SLC13A2: variants seen among roughly 807,000 people sequenced by gnomAD.
The protein encoded by SLC13A2 is Na(+)-coupled citrate transporter.
SLC13A2 carries 40 observed loss-of-function variants against 58.5 expected under a neutral mutation model. The ratio of observed to expected loss-of-function variants is 0.68; its 90% CI spans 0.53 to 0.89. The LOEUF (loss-of-function observed/expected upper bound fraction) is 0.89, where lower values mean the gene tolerates loss of function less well. SLC13A2 is among the 40% of genes least tolerant of loss of function. SLC13A2 has a pLI of 0.00. For missense variants in SLC13A2, 694 were observed against 772.6 expected (o/e 0.90, Z 1.21); for synonymous variants, 341 against 331.6 (o/e 1.03, Z -0.31).
At position 28,496,097 on chromosome 17, in the gene SLC13A2, C is replaced by A. The variant is rs2069137481; in HGVS notation, c.1470+281C>A. 6.6e-6 allele frequency among the ~76,000 whole-genome samples: 1 copy of A among 152,168 alleles called. No individual in the cohort carries two copies. On this transcript the variant is annotated intron_variant, in intron 10 of 11. Transcript: ENST00000314669. This position sits in a 1 kb window ranked among gnomAD's most constrained non-coding sequence, Gnocchi z 4.2. ...TCCCCACCCCAGTCCCTGTTCTGGT[C>A]ATTCCTGAGGTGACGGGGTGAAATT...
chr17:28,479,369 C>T (rs1296324404), intron 1 of SLC13A2, among the ~76,000 whole-genome samples: 2 of 152,018 alleles, frequency 1.3e-5, no homozygotes, highest in Non-Finnish European at 2.9e-5. Flanking sequence ...CGAGTGAGGC[C>T]TTAAGAGGCC....
At chr17:28,477,429 C>CAA (rs1284842027) in intron 1 of SLC13A2, among the ~76,000 whole-genome samples, 21 of 151,800 alleles carry the variant, frequency 1.4e-4, no homozygotes, top group Non-Finnish European at 1.6e-4. Context: ...CTCCTGACCT[C>CAA]GTGATCCGCC....
At chr17:28,480,535 C>A (rs2068765838) in intron 1 of SLC13A2, among the ~76,000 whole-genome samples, 1 of 152,118 alleles carries the variant, frequency 6.6e-6, no homozygotes, top group Non-Finnish European at 1.5e-5. Flanking sequence ...GATTTTGGAG[C>A]CAAACAGGTG....
intron 1 of SLC13A2, among the ~76,000 whole-genome samples, chr17:28,475,164 G>A (rs898401820): frequency 2.6e-5 from 4 of 152,184 alleles, no homozygotes; most frequent in Non-Finnish European, 5.9e-5. Flanking sequence ...AATTCCCCTC[G>A]ACCTGGGGAA....
chr17:28,482,227 A>G (rs2068798496), intron 1 of SLC13A2, among the ~76,000 whole-genome samples: 1 of 150,358 alleles, frequency 6.7e-6, no homozygotes, highest in Non-Finnish European at 1.5e-5. Flanking sequence ...TTGTTTTAGT[A>G]CTTTTAGTAG....
At chr17:28,475,405 G>T (rs782266833) in intron 1 of SLC13A2, among the ~76,000 whole-genome samples, 1 of 152,146 alleles carries the variant, frequency 6.6e-6, no homozygotes, top group African/African-American at 2.4e-5. Flanking sequence ...TCCTGCAATT[G>T]TCCTCTCACT....
At chr17:28,493,110 A>T (rs2069060696) in intron 6 of SLC13A2, among the ~76,000 whole-genome samples, 1 of 152,226 alleles carries the variant, frequency 6.6e-6, no homozygotes, top group African/African-American at 2.4e-5. Flanking sequence ...AACACAAGTT[A>T]AGTCAGCAGC....
chr17:28,494,247 G>T lies in SLC13A2; in HGVS notation c.1186+142G>T. The T allele has an allele frequency of 6.6e-7, 1 of 1,524,292 alleles. No individual in the cohort carries two copies. The allele number at this position is 1,524,292 out of a possible 1,614,324, so 94.4% of individuals were successfully genotyped here. On this transcript the variant is annotated intron_variant, in intron 8 of 11. Transcript: ENST00000314669. The surrounding 1 kb of genome is among the most constrained non-coding windows in gnomAD (Gnocchi z 4.0). ...CTTGCCAAGGGCACAGGGACTCGGAGACAAAGTTGAGATGTTGCAGAACTG... is the reference window on the plus strand; with the variant it reads ...CTTGCCAAGGGCACAGGGACTCGGATACAAAGTTGAGATGTTGCAGAACTG...
At chr17:28,485,552 G>A (rs781877257) in intron 1 of SLC13A2, among the ~76,000 whole-genome samples, 17 of 152,110 alleles carry the variant, frequency 1.1e-4, no homozygotes, top group African/African-American at 3.4e-4. Flanking sequence ...GGGAGTGCCC[G>A]AGAGTACCTG....
At chr17:28,477,746 T>A (rs2068714364) in intron 1 of SLC13A2, among the ~76,000 whole-genome samples, 1 of 152,216 alleles carries the variant, frequency 6.6e-6, no homozygotes, top group Non-Finnish European at 1.5e-5. Context: ...GATCATTTAT[T>A]CCTTTCAAAA....
rs2069156696 is a variant in SLC13A2, at chr17:28,496,961, T to C, written c.1609-138T>C. ...CAAGGGGCAAAGGCATTGGCTATGC[T>C]GCAGGTTAGACCAACGGGAGGACTT... is the stretch of plus-strand genomic sequence containing the variant. On this transcript the variant is annotated intron_variant, in intron 11 of 11. Transcript: ENST00000314669. The surrounding 1 kb of genome is among the most constrained non-coding windows in gnomAD (Gnocchi z 4.2). 2 of 841,140 alleles carry C rather than the reference T, an allele frequency of 2.4e-6. No homozygotes were observed. The highest frequency in any genetic ancestry group is 1.7e-5 in the African/African-American group (1 of 58,674). 52.1% of individuals were successfully genotyped at this position (841,140 alleles called of 1,614,324 possible).
chr17:28,482,634 C>T (rs1486957095), intron 1 of SLC13A2, among the ~76,000 whole-genome samples: 2 of 152,168 alleles, frequency 1.3e-5, no homozygotes, highest in Non-Finnish European at 2.9e-5. Flanking sequence ...TCTTTGAGGC[C>T]TTCTCTCTTT....
Position 28,494,178 on chromosome 17 carries a change from C to T in SLC13A2, c.1186+73C>T, listed in dbSNP as rs566007228. ...CTTCAAGTATGTAATGTACCTTCCA[C>T]CACACTTGGCAGGAGTAGGCAAAGC... is the stretch of plus-strand genomic sequence containing the variant. On this transcript the variant is annotated intron_variant, in intron 8 of 11. Transcript: ENST00000314669. This position sits in a 1 kb window ranked among gnomAD's most constrained non-coding sequence, Gnocchi z 4.0. The T allele has an allele frequency of 4.7e-6, 7 of 1,501,676 alleles. No homozygotes were observed. The highest frequency in any genetic ancestry group is 1.1e-5 in the South Asian group (1 of 87,750). 93.0% of individuals were successfully genotyped at this position (1,501,676 alleles called of 1,614,324 possible). A position where few individuals can be genotyped will look rare whatever the true frequency, so the allele number is the denominator to read the frequency against.
chr17:28,493,758 A>C lies in SLC13A2; in HGVS notation c.1066A>C (p.Asn356His). Residue 356 changes from asparagine (N) to histidine (H), a missense_variant, in exon 7 of 12, where the codon AAT becomes CAT. Physicochemically the swap from Asn to His is moderately conservative, Grantham distance 68. Coordinates refer to ENST00000314669, the MANE Select transcript of SLC13A2 (RefSeq NM_003984.4). Reference sequence around the variant, plus strand: ...GCCGGGCTTTTTTCTTGGCTGGGGCAATTTGGCTTTTCCCAATGCCAAGGG... The same window carrying C: ...GCCGGGCTTTTTTCTTGGCTGGGGCCATTTGGCTTTTCCCAATGCCAAGGG... ...REPGFFLGWG[N>H]LAFPNAKGES... The C allele has an allele frequency of 6.2e-7, 1 of 1,614,166 alleles. No individual in the cohort carries two copies. The highest frequency in any genetic ancestry group is 8.5e-7 in the Non-Finnish European group (1 of 1,180,038).
chr17:28,494,323 C>T lies in SLC13A2; in HGVS notation c.1187-68C>T. On this transcript the variant is annotated intron_variant, in intron 8 of 11. Transcript: ENST00000314669. The surrounding 1 kb of genome is among the most constrained non-coding windows in gnomAD (Gnocchi z 4.0). ...CTCCAAAAGGGACCCACACAGGGAG[C>T]CCGCAAATGGAGAGGGGAAAGGCCT... 2 of 1,613,548 alleles carry T rather than the reference C, an allele frequency of 1.2e-6. No homozygotes were observed.
Position 28,491,534 on chromosome 17 carries a change from C to T in SLC13A2, c.672C>T (p.Cys224=), listed in dbSNP as rs377430419. ...ACCTCACCCAGTGCATGAGCCTGTGCGTGTGCTACTCCGCCAGCATCGGGG... is the reference window on the plus strand; with the variant it reads ...ACCTCACCCAGTGCATGAGCCTGTGTGTGTGCTACTCCGCCAGCATCGGGG... ...HLHLTQCMSL[C]VCYSASIGGI... is the part of the protein sequence containing the mutation. Residue 224 remains cysteine (C), a synonymous_variant, in exon 5 of 12, where the codon TGC becomes TGT. Coordinates refer to ENST00000314669, the MANE Select transcript of SLC13A2 (RefSeq NM_003984.4). 4.5e-5 allele frequency: 73 copies of T among 1,613,692 alleles called. No individual in the cohort carries two copies. The highest frequency in any genetic ancestry group is 6.0e-5 in the Non-Finnish European group (71 of 1,180,054).
intron 4 of SLC13A2, among the ~76,000 whole-genome samples, chr17:28,491,207 G>A (rs1344881669): frequency 6.6e-6 from 1 of 152,142 alleles, no homozygotes; most frequent in Non-Finnish European, 1.5e-5. Flanking sequence ...GGTAATCCTC[G>A]TTTCCCTCTC....
At position 28,494,407 on chromosome 17, in the gene SLC13A2, G is replaced by T; in HGVS notation, c.1203G>T (p.Leu401=). ...LTQDPENPGK[L]KAPLGLLDWK... ...GGGAAGTAGAAAACCCAGGGAAGCT[G>T]AAGGCCCCTCTTGGCCTCCTCGACT... The change falls in exon 9 of 12, where the codon CTG becomes CTT. Residue 401 remains leucine (L), a synonymous_variant. Transcript: ENST00000314669. The surrounding 1 kb of genome is among the most constrained non-coding windows in gnomAD (Gnocchi z 4.0). 9 of 1,614,172 alleles carry T rather than the reference G, an allele frequency of 5.6e-6. No individual in the cohort carries two copies. The highest frequency in any genetic ancestry group is 7.6e-6 in the Non-Finnish European group (9 of 1,180,030).
At position 28,497,319 on chromosome 17, in the gene SLC13A2, C is replaced by G; in HGVS notation, c.*50C>G. 6.4e-7 allele frequency: 1 copy of G among 1,566,592 alleles called. No individual in the cohort carries two copies. The highest frequency in any genetic ancestry group is 8.7e-7 in the Non-Finnish European group (1 of 1,153,832). On this transcript the variant is annotated 3_prime_UTR_variant, in exon 12 of 12. Coordinates refer to ENST00000314669, the MANE Select transcript of SLC13A2 (RefSeq NM_003984.4). Reference sequence around the variant, plus strand: ...CAGGAAGACCCACCCCATTCCCACTCCTCTGAGCCCGGAGGGGACACCCCA... The same window carrying G: ...CAGGAAGACCCACCCCATTCCCACTGCTCTGAGCCCGGAGGGGACACCCCA...
Sources: allele counts gnomAD v4.1 joint callset (sites outside exome capture counted in the v4.1 genomes callset), GRCh38; gene constraint gnomAD v4.1.1; non-coding constraint Gnocchi (gnomAD v3.1); transcripts MANE v1.5; gene names NCBI Gene and HGNC (gene_info 2026-07-23, HGNC 2026-07-21).